Variants in CORO1C observed in about 807,000 individuals in gnomAD.
CORO1C encodes the protein coronin 1C, also known as coronin-1C.
Under a neutral mutation model 51.2 loss-of-function variants are expected in CORO1C, and 14 were observed. That is an observed-to-expected ratio of 0.27 (90% CI 0.18 to 0.43). The LOEUF (loss-of-function observed/expected upper bound fraction) is 0.43, where lower values mean the gene tolerates loss of function less well. Ranked by LOEUF, CORO1C falls within the 20% of genes least tolerant of loss-of-function variation. The probability of loss-of-function intolerance (pLI) is 1.00; values close to 1 mark genes in which losing one functional copy is unlikely to be tolerated. For missense variants in CORO1C, 417 were observed against 607.8 expected, an observed-to-expected ratio of 0.69 and a Z score of 3.30; for synonymous variants, 181 against 210.5, an observed-to-expected ratio of 0.86 and a Z score of 1.21.
At chr12:108,698,370 G>A (rs939789620) in intron 2 of CORO1C, among the ~76,000 whole-genome samples, 5 of 152,226 alleles carry the variant, frequency 3.3e-5, no homozygotes, top group Non-Finnish European at 5.9e-5. Flanking sequence ...AAGGTGAGAA[G>A]CATTTCTGAC....
Position 108,731,491 on chromosome 12 carries a change from C to CA in CORO1C, c.-69dup, listed in dbSNP as rs2035724829. 6.6e-6 allele frequency: 1 copy of CA among 151,920 alleles called. No individual in the cohort carries two copies. The highest frequency in any genetic ancestry group is 1.5e-5 in the Non-Finnish European group (1 of 68,054). 9.4% of individuals were successfully genotyped at this position (151,920 alleles called of 1,614,324 possible). A position where few individuals can be genotyped will look rare whatever the true frequency, so the allele number is the denominator to read the frequency against. ...CCGCTGCAAAGCCGGGCGAAGCCTC[C>CA]AACCGCTGCCGCCTCCAGCCTGGCA... On this transcript the variant is annotated 5_prime_UTR_variant, in exon 1 of 11. Coordinates refer to ENST00000261401, the MANE Select transcript of CORO1C (RefSeq NM_014325.4). The surrounding 1 kb of genome is among the most constrained non-coding windows in gnomAD (Gnocchi z 5.2).
chr12:108,702,142 AGC>A (rs2034891853), intron 1 of CORO1C, among the ~76,000 whole-genome samples: 1 of 152,232 alleles, frequency 6.6e-6, no homozygotes. Flanking sequence ...CACACTGGAC[AGC>A]TTACACAGGA....
chr12:108,730,856 G>A (rs1370837580), intron 1 of CORO1C: 4 of 152,770 alleles, frequency 2.6e-5, no homozygotes, highest in African/African-American at 9.7e-5. Context: ...CCAAAGCCAG[G>A]AAACCCGCAG....
In CORO1C at chr12:108,645,978, C is replaced by A. The variant is rs1239730481; in HGVS notation, c.*1425G>T. The A allele has an allele frequency of 1.3e-5, 2 of 152,222 alleles. No individual in the cohort carries two copies. Among genetic ancestry groups the A allele is most frequent in the Non-Finnish European group, 2.9e-5 (2 of 68,052 alleles). 9.4% of individuals were successfully genotyped at this position (152,222 alleles called of 1,614,324 possible). On this transcript the variant is annotated 3_prime_UTR_variant, in exon 11 of 11. Coordinates refer to ENST00000261401, the MANE Select transcript of CORO1C (RefSeq NM_014325.4). ...CCAGAGCTCAGTCTCTGGCCCCCTC[C>A]GAGTCCGGGGAGCCTCTGTGCTTTG...
chr12:108,716,563 G>A (rs1422722340), intron 1 of CORO1C, among the ~76,000 whole-genome samples: 1 of 152,154 alleles, frequency 6.6e-6, no homozygotes, highest in Non-Finnish European at 1.5e-5. Context: ...GAACATTAAG[G>A]AAGAGTAGGA....
chr12:108,682,490 T>C (rs1315263453), intron 2 of CORO1C, among the ~76,000 whole-genome samples: 4 of 152,192 alleles, frequency 2.6e-5, no homozygotes, highest in East Asian at 1.9e-4. Flanking sequence ...TGGAAAGTTA[T>C]ATTGCCACTA....
rs144475640 is a variant in CORO1C at position 108,710,830 on chromosome 12, G to A, written c.-5-9507C>T. Among the ~76,000 whole-genome samples the A allele has an allele frequency of 2.9e-3, 438 of 152,220 alleles. 1 individual carries two copies. Among genetic ancestry groups the A allele is most frequent in the African/African-American group, 9.7e-3 (402 of 41,504 alleles). Reference sequence around the variant, plus strand: ...GCCTGCCTCAGCCTTCCAAAATGCTGGGATTACAGGTGTGAGCCACCGCGC... The same window carrying A: ...GCCTGCCTCAGCCTTCCAAAATGCTAGGATTACAGGTGTGAGCCACCGCGC... On this transcript the variant is annotated intron_variant, in intron 1 of 10. Transcript: ENST00000261401.
intron 2 of CORO1C, among the ~76,000 whole-genome samples, chr12:108,679,215 A>G (rs574877650): frequency 5.9e-5 from 9 of 151,806 alleles, no homozygotes; most frequent in Admixed American, 2.6e-4. Context: ...TTAGGGCCTA[A>G]AGAGCCTACT....
Position 108,731,447 on chromosome 12 carries a change from G to A in CORO1C, c.-24C>T, listed in dbSNP as rs1431398037. The A allele has an allele frequency of 6.5e-6, 1 of 153,002 alleles. No individual in the cohort carries two copies. Among genetic ancestry groups the A allele is most frequent in the African/African-American group, 2.4e-5 (1 of 41,444 alleles). 9.5% of individuals were successfully genotyped at this position (153,002 alleles called of 1,614,324 possible). On this transcript the variant is annotated 5_prime_UTR_variant, in exon 1 of 11. Transcript: ENST00000261401. This position sits in a 1 kb window ranked among gnomAD's most constrained non-coding sequence, Gnocchi z 5.2. The stretch of plus-strand genomic sequence containing the variant: ...CGCTCACCCGGGCCGAGGTGCCTGA[G>A]GCGCCGCCGCCGAAGTCCCCGCTGC...
Position 108,703,761 on chromosome 12 carries a change from A to G in CORO1C, c.-5-2438T>C, listed in dbSNP as rs1390317617. On this transcript the variant is annotated intron_variant, in intron 1 of 10. Transcript: ENST00000261401. ...TGCCCTCTCCCCAGCAGAAGCCAGG[A>G]GAGGCCTGACTATGGGCCTGGATGA... is the stretch of plus-strand genomic sequence containing the variant. 3.3e-4 allele frequency among the ~76,000 whole-genome samples: 38 copies of G among 115,272 alleles called. No homozygotes were observed. The Admixed American group carries it at 3.6e-3, about 11-fold the overall frequency. The allele number at this position is 115,272 out of a possible 152,430, so 75.6% of individuals were successfully genotyped here.
intron 3 of CORO1C, among the ~76,000 whole-genome samples, chr12:108,673,252 T>C (rs2136826379): frequency 1.3e-5 from 2 of 152,312 alleles, no homozygotes; most frequent in Middle Eastern, 6.8e-3. Flanking sequence ...AACAGCCTTG[T>C]TTTAGTGGTC....
intron 3 of CORO1C, among the ~76,000 whole-genome samples, chr12:108,669,501 G>T (rs189170054): frequency 1.3e-5 from 2 of 151,870 alleles, no homozygotes; most frequent in Non-Finnish European, 2.9e-5. Context: ...AGGCAACTGG[G>T]GCTGAGAGCG....
intron 1 of CORO1C, among the ~76,000 whole-genome samples, chr12:108,702,314 G>C (rs1026506248): frequency 6.6e-6 from 1 of 152,160 alleles, no homozygotes; most frequent in African/African-American, 2.4e-5. Context: ...TTTTCACTGA[G>C]CTGATCATCC....
intron 3 of CORO1C, among the ~76,000 whole-genome samples, chr12:108,669,579 A>G (rs1010031071): frequency 1.3e-5 from 2 of 150,916 alleles, no homozygotes; most frequent in Non-Finnish European, 2.9e-5. Flanking sequence ...TCCTTCTTCT[A>G]CTAAAACTAG....
At chr12:108,721,579 T>C (rs2136887429) in intron 1 of CORO1C, among the ~76,000 whole-genome samples, 1 of 152,360 alleles carries the variant, frequency 6.6e-6, no homozygotes, top group Non-Finnish European at 1.5e-5. Flanking sequence ...TACGAATTTT[T>C]TAAATGATAC....
At chr12:108,665,594 G>C (rs1275265782) in intron 3 of CORO1C, among the ~76,000 whole-genome samples, 1 of 152,192 alleles carries the variant, frequency 6.6e-6, no homozygotes, top group East Asian at 1.9e-4. Flanking sequence ...GTCAGGCAGA[G>C]TCTGGTTCAA....
intron 1 of CORO1C, among the ~76,000 whole-genome samples, chr12:108,706,358 G>A (rs2136870960): frequency 6.6e-6 from 1 of 152,250 alleles, no homozygotes; most frequent in South Asian, 2.1e-4. Flanking sequence ...CCTTCTCCCT[G>A]AGATCAAGAA....
chr12:108,730,166 C>G (rs998682378), intron 1 of CORO1C: 9 of 152,354 alleles, frequency 5.9e-5, no homozygotes, highest in African/African-American at 1.4e-4. Flanking sequence ...AAATGAACAA[C>G]TTGCAATTTG....
chr12:108,689,215 A>C (rs749654049), intron 2 of CORO1C, among the ~76,000 whole-genome samples: 6 of 152,178 alleles, frequency 3.9e-5, no homozygotes, highest in Admixed American at 1.3e-4. Context: ...AAACAAAAAA[A>C]GATGGATCAA....
Sources: gnomAD v4.1 joint callset for allele counts (sites outside exome capture counted in the v4.1 genomes callset) on GRCh38, gnomAD v4.1.1 for gene constraint, Gnocchi (gnomAD v3.1) non-coding constraint, MANE v1.5 for transcripts, NCBI Gene and HGNC (gene_info 2026-07-23, HGNC 2026-07-21) for gene names.